The following CNTNAP2 variants were observed in gnomAD, a reference collection of about 807,000 sequenced individuals.
The protein encoded by CNTNAP2 is contactin-associated protein-like 2.
Under a neutral mutation model 155.2 loss-of-function variants are expected in CNTNAP2, and 98 were observed. The observed-to-expected ratio is 0.63, with a 90% CI of 0.54 to 0.75. The LOEUF (loss-of-function observed/expected upper bound fraction) is 0.75. CNTNAP2 is among the 30% of genes least tolerant of loss of function. CNTNAP2 has a pLI of 0.00. For missense variants in CNTNAP2, 1,727 were observed against 1,688.1 expected (o/e 1.02, Z -0.40); for synonymous variants, 651 against 631.2 (o/e 1.03, Z -0.47).
chr7:147,333,971 T>G (rs1295813967), intron 9 of CNTNAP2, among the ~76,000 whole-genome samples: 4 of 152,130 alleles, frequency 2.6e-5, no homozygotes, highest in Non-Finnish European at 4.4e-5. Context: ...CTTGGATCCA[T>G]GATGAGACAC....
intron 1 of CNTNAP2, among the ~76,000 whole-genome samples, chr7:146,176,188 T>A (rs889464974): frequency 2.0e-5 from 3 of 152,236 alleles, no homozygotes; most frequent in Non-Finnish European, 4.4e-5. Flanking sequence ...GCCCTGTAGG[T>A]ATGGCATATT....
intron 9 of CNTNAP2, among the ~76,000 whole-genome samples, chr7:147,331,208 G>C (rs1160334513): frequency 6.6e-6 from 1 of 152,044 alleles, no homozygotes; most frequent in Non-Finnish European, 1.5e-5. Context: ...AGGACTTTGA[G>C]GTACAATGTT....
chr7:148,268,067 T>A (rs181002574), intron 21 of CNTNAP2, among the ~76,000 whole-genome samples: 1 of 152,230 alleles, frequency 6.6e-6, no homozygotes, highest in African/African-American at 2.4e-5. Context: ...CTAAAAAATG[T>A]ACCATGAGCC....
In CNTNAP2 at chr7:147,108,334, C is replaced by T. The variant is rs1584848415; in HGVS notation, c.738C>T (p.Val246=). 6.2e-7 allele frequency: 1 copy of T among 1,613,234 alleles called. No individual in the cohort carries two copies. The highest frequency in any genetic ancestry group is 1.3e-5 in the African/African-American group (1 of 74,956). Residue 246 remains valine (V), a synonymous_variant, in exon 5 of 24, where the codon GTC becomes GTT. Transcript: ENST00000361727. Reference sequence around the variant, plus strand: ...TGGAACTGAAAAAAGCCAAGCTGGTCCTCAGTTTAAACTTAGGTGTGTTCT... The same window carrying T: ...TGGAACTGAAAAAAGCCAAGCTGGTTCTCAGTTTAAACTTAGGTGTGTTCT... ...ITLELKKAKL[V]LSLNLGSNQL...
At chr7:147,963,159 G>A (rs6962266) in intron 14 of CNTNAP2, among the ~76,000 whole-genome samples, 20,551 of 152,054 alleles carry the variant, frequency 0.14, 2,287 homozygotes, top group African/African-American at 0.31. Context: ...TAATTATAAA[G>A]AGTATTACAT....
chr7:147,496,446 T>C (rs1020460723), intron 11 of CNTNAP2, among the ~76,000 whole-genome samples: 2 of 152,222 alleles, frequency 1.3e-5, no homozygotes, highest in Non-Finnish European at 2.9e-5. Flanking sequence ...TGATTTGATA[T>C]CACTTCTTTA....
intron 13 of CNTNAP2, among the ~76,000 whole-genome samples, chr7:147,841,561 C>G (rs966838732): frequency 6.6e-6 from 1 of 152,094 alleles, no homozygotes; most frequent in Admixed American, 6.6e-5. Flanking sequence ...AAAAAAAGAC[C>G]CTACGCTACC....
chr7:148,164,983 G>A (rs1805624500), intron 17 of CNTNAP2, among the ~76,000 whole-genome samples: 1 of 152,008 alleles, frequency 6.6e-6, no homozygotes, highest in Admixed American at 6.6e-5. Flanking sequence ...AGTGCAGTGA[G>A]AAGAGGGACC....
intron 3 of CNTNAP2, among the ~76,000 whole-genome samples, chr7:146,862,719 C>T (rs576284082): frequency 6.6e-6 from 1 of 152,282 alleles, no homozygotes; most frequent in East Asian, 1.9e-4. Flanking sequence ...TTAAACTAAA[C>T]TTGGCTAGGA....
At chr7:147,711,548 G>A (rs1251809570) in intron 13 of CNTNAP2, among the ~76,000 whole-genome samples, 2 of 152,142 alleles carry the variant, frequency 1.3e-5, no homozygotes, top group African/African-American at 2.4e-5. Flanking sequence ...TTATTTAGGA[G>A]GTCAGGAACG....
intron 1 of CNTNAP2, among the ~76,000 whole-genome samples, chr7:146,732,589 C>T (rs1433586203): frequency 1.3e-5 from 2 of 152,088 alleles, no homozygotes; most frequent in Admixed American, 1.3e-4. Flanking sequence ...TGTTGTTCTT[C>T]TGTTCCAGAT....
intron 1 of CNTNAP2, among the ~76,000 whole-genome samples, chr7:146,747,176 A>C (rs1244909609): frequency 1.3e-5 from 2 of 152,130 alleles, no homozygotes; most frequent in Non-Finnish European, 2.9e-5. Context: ...AATCTTTTGT[A>C]CTTATAATAG....
intron 8 of CNTNAP2, among the ~76,000 whole-genome samples, chr7:147,251,920 TC>T (rs1048930113): frequency 2.0e-5 from 3 of 152,084 alleles, no homozygotes; most frequent in African/African-American, 7.2e-5. Context: ...TTCCTAATAT[TC>T]CTTCCAAGTT....
intron 15 of CNTNAP2, among the ~76,000 whole-genome samples, chr7:148,112,173 G>C (rs1247030311): frequency 6.6e-6 from 1 of 152,066 alleles, no homozygotes; most frequent in Non-Finnish European, 1.5e-5. Context: ...CTGTGTTAGA[G>C]AATCTGGAGA....
intron 1 of CNTNAP2, among the ~76,000 whole-genome samples, chr7:146,193,902 C>A (rs1798742146): frequency 6.6e-6 from 1 of 152,204 alleles, no homozygotes; most frequent in African/African-American, 2.4e-5. Flanking sequence ...TCATCTCTCT[C>A]AAGTTCAAAG....
At chr7:146,938,756 G>A (rs541310127) in intron 3 of CNTNAP2, among the ~76,000 whole-genome samples, 20 of 151,852 alleles carry the variant, frequency 1.3e-4, no homozygotes, top group East Asian at 5.8e-4. Flanking sequence ...TCAGCTTCTC[G>A]AGGGACAAAA....
chr7:147,420,209 T>A (rs529513755), intron 10 of CNTNAP2, among the ~76,000 whole-genome samples: 5 of 152,266 alleles, frequency 3.3e-5, no homozygotes, highest in African/African-American at 1.2e-4. Context: ...ACGGAGAGGG[T>A]CATATGTTGA....
intron 9 of CNTNAP2, among the ~76,000 whole-genome samples, chr7:147,392,168 T>C (rs1796730317): frequency 1.3e-5 from 2 of 152,188 alleles, no homozygotes; most frequent in Non-Finnish European, 2.9e-5. Context: ...TGATGACACT[T>C]TTCTCACCTT....
At chr7:147,729,498 C>A (rs1004423361) in intron 13 of CNTNAP2, among the ~76,000 whole-genome samples, 4 of 150,612 alleles carry the variant, frequency 2.7e-5, no homozygotes, top group Non-Finnish European at 3.0e-5. Context: ...GGATAGGGAA[C>A]AATTATAGCA....
Sources: allele counts gnomAD v4.1 joint callset (sites outside exome capture counted in the v4.1 genomes callset), GRCh38; gene constraint gnomAD v4.1.1; transcripts MANE v1.5; gene names NCBI Gene and HGNC (gene_info 2026-07-23, HGNC 2026-07-21).